CCDC73: variants seen among roughly 807,000 people sequenced by gnomAD.
CCDC73 encodes coiled-coil domain containing 73, also known as coiled-coil domain-containing protein 73.
Under a neutral mutation model 116.5 loss-of-function variants are expected in CCDC73, and 95 were observed. That is an observed-to-expected ratio of 0.82 (90% confidence interval 0.69 to 0.97). The LOEUF (loss-of-function observed/expected upper bound fraction) is 0.97, where lower values mean the gene tolerates loss of function less well. Ranked by LOEUF, CCDC73 falls within the 50% of genes least tolerant of loss-of-function variation. The pLI is 0.00. For synonymous variants in CCDC73, 398 were observed against 401.3 expected (o/e 0.99, Z 0.10); for missense variants, 1,066 against 1,206.8 (o/e 0.88, Z 1.73).
intron 1 of CCDC73, among the ~76,000 whole-genome samples, chr11:32,767,950 G>C (rs543059994): frequency 6.6e-6 from 1 of 152,310 alleles, no homozygotes; most frequent in Non-Finnish European, 1.5e-5. Context: ...AATACCATTT[G>C]ACCCAGCCAT....
the CCDC73 span, among the ~76,000 whole-genome samples, chr11:32,806,188 A>G: frequency 1.3e-5 from 2 of 152,248 alleles, no homozygotes; most frequent in Admixed American, 6.5e-5. Context: ...AAAACTAGTT[A>G]AAGGAGGTTA....
chr11:32,759,308 C>A (rs1368331839), intron 2 of CCDC73, among the ~76,000 whole-genome samples: 1 of 149,366 alleles, frequency 6.7e-6, no homozygotes, highest in Non-Finnish European at 1.5e-5. Context: ...AGATAGCCTG[C>A]TGAAACCAAC....
upstream of CCDC73, among the ~76,000 whole-genome samples, chr11:32,795,515 G>GA (rs34785432): frequency 2.7e-5 from 4 of 150,268 alleles, no homozygotes; most frequent in African/African-American, 9.8e-5. Flanking sequence ...AAGTGAAATA[G>GA]AAAAAAAACT....
chr11:32,707,871 C>T (rs1338408163), intron 3 of CCDC73, among the ~76,000 whole-genome samples: 9 of 152,150 alleles, frequency 5.9e-5, no homozygotes, highest in African/African-American at 2.2e-4. Flanking sequence ...ATCACCCCCA[C>T]CTCTATATAA....
rs773869830 is a variant in CCDC73 at position 32,611,213 on chromosome 11, A to G, written c.2949T>C (p.His983=). Residue 983 remains histidine, a synonymous_variant, in exon 17 of 18, where the codon CAT becomes CAC. Coordinates refer to ENST00000335185, the MANE Select transcript of CCDC73 (RefSeq NM_001008391.4). ...VADTLNNWSI[H]PDPKGEPSEE... is the part of the protein sequence containing the mutation. ...CACTGGGTTCTCCCTTGGGATCTGG[A>G]TGGATACTCCAGTTATTCAAAGTGT... is the stretch of plus-strand genomic sequence containing the variant. The G allele has an allele frequency of 2.9e-5, 47 of 1,613,500 alleles. No homozygotes were observed. Among genetic ancestry groups the G allele is most frequent in the Non-Finnish European group, 3.6e-5 (43 of 1,179,580 alleles).
intron 3 of CCDC73, among the ~76,000 whole-genome samples, chr11:32,704,352 C>G (rs1849838142): frequency 2.0e-5 from 3 of 152,244 alleles, no homozygotes; most frequent in African/African-American, 7.2e-5. Context: ...TGGACATGTC[C>G]TGATAGCCAA....
chr11:32,756,920 T>C (rs770159071), intron 2 of CCDC73, among the ~76,000 whole-genome samples: 1 of 152,122 alleles, frequency 6.6e-6, no homozygotes, highest in Non-Finnish European at 1.5e-5. Flanking sequence ...ATCTCATAAG[T>C]AGTTCCTGAA....
chr11:32,720,482 T>TC (rs1849981088), intron 2 of CCDC73, among the ~76,000 whole-genome samples: 2 of 152,160 alleles, frequency 1.3e-5, no homozygotes, highest in Non-Finnish European at 2.9e-5. Flanking sequence ...GGATGTCTAT[T>TC]CTCATCGCTC....
At chr11:32,703,006 T>C in intron 3 of CCDC73, 62 bp from the exon 4 acceptor site, 1 of 1,063,970 alleles carries the variant, frequency 9.4e-7, no homozygotes, top group Non-Finnish European at 1.5e-6. Context: ...CAGCTTTAAA[T>C]CTTAACTAGG....
intron 12 of CCDC73, among the ~76,000 whole-genome samples, chr11:32,650,477 A>G (rs1855816824): frequency 6.6e-6 from 1 of 152,188 alleles, no homozygotes; most frequent in South Asian, 2.1e-4. Flanking sequence ...TTCATAAAGA[A>G]CCTAGTTAAA....
intron 1 of CCDC73, 114 bp from the exon 2 acceptor site, chr11:32,760,372 T>A (rs552197263): frequency 1.7e-6 from 1 of 605,524 alleles, no homozygotes; most frequent in African/African-American, 1.9e-5. Context: ...ATTTCAGCAC[T>A]GAATAACAGT....
chr11:32,789,759 T>G (rs1413265202), intron 1 of CCDC73, among the ~76,000 whole-genome samples: 1 of 152,176 alleles, frequency 6.6e-6, no homozygotes, highest in Non-Finnish European at 1.5e-5. Context: ...TGTGACAGAA[T>G]GAGACCCTGT....
intron 5 of CCDC73, among the ~76,000 whole-genome samples, chr11:32,700,251 T>G (rs1849800566): frequency 6.6e-6 from 1 of 152,178 alleles, no homozygotes; most frequent in Non-Finnish European, 1.5e-5. Context: ...GTGATTATTA[T>G]TAATGGTATG....
chr11:32,623,139 G>C (rs1855538154), intron 14 of CCDC73, among the ~76,000 whole-genome samples: 1 of 152,070 alleles, frequency 6.6e-6, no homozygotes, highest in African/African-American at 2.4e-5. Context: ...CTCCTGAGTA[G>C]CTGGGATTAC....
chr11:32,763,634 C>T (rs1233854206), intron 1 of CCDC73, among the ~76,000 whole-genome samples: 1 of 151,988 alleles, frequency 6.6e-6, no homozygotes, highest in Middle Eastern at 3.2e-3. Context: ...CATCAAAGAC[C>T]AAAGGTAGAT....
chr11:32,809,402 T>C, the CCDC73 span, among the ~76,000 whole-genome samples: 1 of 152,114 alleles, frequency 6.6e-6, no homozygotes, highest in Non-Finnish European at 1.5e-5. Context: ...AAGAGTCTGG[T>C]TAGGACGCTA....
At position 32,730,988 on chromosome 11, in the gene CCDC73, G is replaced by A. The variant is rs116359806; in HGVS notation, c.136-12841C>T. 5.9e-3 allele frequency among the ~76,000 whole-genome samples: 893 copies of A among 152,310 alleles called. 10 individuals carry two copies. The highest frequency in any genetic ancestry group is 0.02 in the African/African-American group (836 of 41,552). ...AGCAGGGCGAGGCATCATCTCACCC[G>A]GGAAGCACAAGGGTTTGGGGAATTC... On this transcript the variant is annotated intron_variant, in intron 2 of 17. Coordinates refer to ENST00000335185, the MANE Select transcript of CCDC73 (RefSeq NM_001008391.4).
upstream of CCDC73, among the ~76,000 whole-genome samples, chr11:32,796,148 C>T (rs1419600325): frequency 1.3e-5 from 2 of 152,210 alleles, no homozygotes; most frequent in Non-Finnish European, 2.9e-5. Context: ...CCTACTTTGA[C>T]CCCACCTTGT....
At chr11:32,722,106 T>C (rs1006718271) in intron 2 of CCDC73, among the ~76,000 whole-genome samples, 3 of 152,146 alleles carry the variant, frequency 2.0e-5, no homozygotes, top group Non-Finnish European at 4.4e-5. Context: ...GCTTCTACAA[T>C]TGATTATTTC....
Sources: gnomAD v4.1 joint callset for allele counts (sites outside exome capture counted in the v4.1 genomes callset) on GRCh38, gnomAD v4.1.1 for gene constraint, MANE v1.5 for transcripts, NCBI Gene and HGNC (gene_info 2026-07-23, HGNC 2026-07-21) for gene names.